Variants in HOOK3 observed in about 807,000 individuals in gnomAD.
HOOK3 encodes the protein hook microtubule tethering protein 3, also known as protein Hook homolog 3.
In HOOK3, 24 loss-of-function variants were observed where a neutral mutation model predicts 116.3. That is an observed-to-expected ratio of 0.21 (90% CI 0.15 to 0.29). The LOEUF is 0.29. Ranked by LOEUF, HOOK3 falls within the 10% of genes least tolerant of loss-of-function variation. HOOK3 has a pLI of 1.00. For missense variants in HOOK3, 632 were observed against 830.2 expected (o/e 0.76, Z 2.93); for synonymous variants, 275 against 283.0 (o/e 0.97, Z 0.28).
At chr8:42,939,615 G>C (rs1309980823) in intron 4 of HOOK3, among the ~76,000 whole-genome samples, 5 of 150,934 alleles carry the variant, frequency 3.3e-5, no homozygotes, top group Admixed American at 3.3e-4. Flanking sequence ...CTGGCCGGGC[G>C]GGGGGCTGAC....
At chr8:43,000,234 T>C (rs1233623296) in intron 16 of HOOK3, 1 of 1,267,526 alleles carries the variant, frequency 7.9e-7, no homozygotes, top group African/African-American at 1.5e-5. Context: ...TCATACTAAT[T>C]TGTCCTCTCT....
chr8:42,939,591 CCCGGACGGGCTGG>C (rs1156441692), intron 4 of HOOK3, among the ~76,000 whole-genome samples: 2 of 145,364 alleles, frequency 1.4e-5, no homozygotes, highest in African/African-American at 5.1e-5. Flanking sequence ...CCACCTCCCT[CCCGGACGGGCTGG>C]CTGGCCGGGC....
chr8:42,982,528 T>C, intron 13 of HOOK3, 99 bp from the exon 14 acceptor site: 1 of 781,510 alleles, frequency 1.3e-6, no homozygotes, highest in South Asian at 1.4e-5. Context: ...TTGAAAATGA[T>C]TTTTGCTGTT....
chr8:42,904,773 T>A (rs931288342), intron 1 of HOOK3, among the ~76,000 whole-genome samples: 2 of 152,190 alleles, frequency 1.3e-5, no homozygotes, highest in African/African-American at 4.8e-5. Context: ...TCTCCCCTGT[T>A]CTGTTTCTTC....
At position 42,940,787 on chromosome 8, in the gene HOOK3, C is replaced by T. The variant is rs550300316; in HGVS notation, c.268-2526C>T. Among the ~76,000 whole-genome samples the T allele has an allele frequency of 1.7e-3, 263 of 152,228 alleles. 1 individual carries two copies. The highest frequency in any genetic ancestry group is 0.014 in the Middle Eastern group (4 of 294). Reference sequence around the variant, plus strand: ...GTTTTCTATATTTCCTGAATTTGAACGTTGGCCTGTCTTGCTAGGTTGGGG... The same window carrying T: ...GTTTTCTATATTTCCTGAATTTGAATGTTGGCCTGTCTTGCTAGGTTGGGG... On this transcript the variant is annotated intron_variant, in intron 4 of 21. Transcript: ENST00000307602.
intron 12 of HOOK3, 59 bp from the exon 13 acceptor site, chr8:42,974,048 A>G: frequency 1.7e-6 from 2 of 1,165,596 alleles, no homozygotes; most frequent in Non-Finnish European, 2.6e-6. Flanking sequence ...GGCAGAGGCC[A>G]CTGATGAATA....
intron 6 of HOOK3, among the ~76,000 whole-genome samples, chr8:42,952,153 T>G (rs13269584): frequency 6.6e-6 from 1 of 152,132 alleles, no homozygotes. Context: ...CACCCTGTCA[T>G]CTGACCAACT....
rs1041799741 is a variant in HOOK3 at position 42,955,177 on chromosome 8, A to C, written c.469-1917A>C. Among the ~76,000 whole-genome samples, 12 of 152,332 alleles carry C rather than the reference A, an allele frequency of 7.9e-5. No individual in the cohort carries two copies. The East Asian group carries it at 2.1e-3, about 27-fold the overall frequency. On this transcript the variant is annotated intron_variant, in intron 6 of 21. Transcript: ENST00000307602. ...ACTTTTATGCAGGTTTGTATTGCAC[A>C]GGTCTACTTTTGTGCAGTTCTTTTT...
At chr8:43,011,159 A>AT (rs1460176953) in intron 19 of HOOK3, among the ~76,000 whole-genome samples, 5 of 151,830 alleles carry the variant, frequency 3.3e-5, no homozygotes, top group Non-Finnish European at 2.9e-5. Flanking sequence ...CACTCGGCTA[A>AT]TTTTTTGTAT....
At chr8:42,982,254 T>TAAAA (rs1162075588) in intron 13 of HOOK3, among the ~76,000 whole-genome samples, 2 of 89,596 alleles carry the variant, frequency 2.2e-5, no homozygotes, top group Admixed American at 1.3e-4. Flanking sequence ...GACTCTGTCT[T>TAAAA]AAAAAAAAAA....
chr8:42,998,824 T>C (rs1264496684), intron 16 of HOOK3, among the ~76,000 whole-genome samples: 9 of 152,222 alleles, frequency 5.9e-5, no homozygotes, highest in African/African-American at 2.2e-4. Flanking sequence ...TATTAAAATT[T>C]AAAACATGTT....
intron 2 of HOOK3, among the ~76,000 whole-genome samples, chr8:42,906,569 C>T (rs538626645): frequency 1.1e-4 from 16 of 152,264 alleles, no homozygotes; most frequent in African/African-American, 3.9e-4. Context: ...ATGCTTACTC[C>T]ATTTTTCTTT....
chr8:43,019,184 A>G lies in HOOK3; in HGVS notation c.*686A>G, dbSNP rs1336800428. ...ACATAAAATTTCATTATTTCCTGCT[A>G]TCTTGTTTGCTGGCAGAAGTGAATG... On this transcript the variant is annotated 3_prime_UTR_variant, in exon 22 of 22. Transcript: ENST00000307602. The G allele has an allele frequency of 4.7e-6, 1 of 210,886 alleles. No individual in the cohort carries two copies. Among genetic ancestry groups the G allele is most frequent in the Non-Finnish European group, 9.6e-6 (1 of 103,822 alleles). 13.1% of individuals were successfully genotyped at this position (210,886 alleles called of 1,614,324 possible).
At chr8:43,006,558 G>A (rs1188488486) in intron 17 of HOOK3, among the ~76,000 whole-genome samples, 1 of 152,016 alleles carries the variant, frequency 6.6e-6, no homozygotes, top group Non-Finnish European at 1.5e-5. Context: ...CCTGAGCTCA[G>A]GCAGTCTACC....
chr8:42,897,372 C>T (rs1399488111), intron 1 of HOOK3, 184 bp downstream of exon 1: 4 of 394,004 alleles, frequency 1.0e-5, no homozygotes, highest in African/African-American at 6.2e-5. Context: ...TGAGGCGTCG[C>T]TGTTCCGGGC....
At chr8:42,933,599 C>A (rs942924499) in intron 4 of HOOK3, among the ~76,000 whole-genome samples, 1 of 152,152 alleles carries the variant, frequency 6.6e-6, no homozygotes, top group Non-Finnish European at 1.5e-5. Flanking sequence ...TTGCTGAATT[C>A]GGTGTATTTC....
At chr8:42,910,712 T>C (rs2130331251) in intron 2 of HOOK3, among the ~76,000 whole-genome samples, 1 of 152,352 alleles carries the variant, frequency 6.6e-6, no homozygotes, top group South Asian at 2.1e-4. Context: ...TGATTCTTTC[T>C]TTGTCAATTT....
At position 43,029,134 on chromosome 8, in the gene HOOK3, T is replaced by A. The variant is rs1809985376; in HGVS notation, c.*10636T>A. On this transcript the variant is annotated 3_prime_UTR_variant, in exon 22 of 22. Coordinates refer to ENST00000307602, the MANE Select transcript of HOOK3 (RefSeq NM_032410.4). ...GTGATTTGGGGCCTTTTAATGTCTT[T>A]AACAGCAATCTTTTATTTATTTATT... is the stretch of plus-strand genomic sequence containing the variant. 1 of 179,304 alleles carries A rather than the reference T, an allele frequency of 5.6e-6. No homozygotes were observed. The highest frequency in any genetic ancestry group is 6.3e-5 in the Admixed American group (1 of 15,888). 11.1% of individuals were successfully genotyped at this position (179,304 alleles called of 1,614,324 possible). A position where few individuals can be genotyped will look rare whatever the true frequency, so the allele number is the denominator to read the frequency against.
chr8:43,013,781 G>A (rs1809656831), intron 21 of HOOK3, among the ~76,000 whole-genome samples: 1 of 152,150 alleles, frequency 6.6e-6, no homozygotes, highest in East Asian at 1.9e-4. Flanking sequence ...TTTATCTCAT[G>A]GGGTTTGGAA....
Sources: allele counts gnomAD v4.1 joint callset (sites outside exome capture counted in the v4.1 genomes callset), GRCh38; gene constraint gnomAD v4.1.1; transcripts MANE v1.5; gene names NCBI Gene and HGNC (gene_info 2026-07-23, HGNC 2026-07-21).